FOXJ3: variants seen among roughly 807,000 people sequenced by gnomAD.
The protein encoded by FOXJ3 is forkhead box protein J3.
A neutral mutation model predicts 76.1 loss-of-function variants in FOXJ3; 22 were observed. That is an observed-to-expected ratio of 0.29 (90% confidence interval 0.21 to 0.41). The LOEUF (loss-of-function observed/expected upper bound fraction) is 0.41, where lower values mean the gene tolerates loss of function less well. FOXJ3 is among the 10% of genes least tolerant of loss of function. The pLI is 1.00. For missense variants in FOXJ3, 613 were observed against 762.1 expected (o/e 0.80, Z 2.30); for synonymous variants, 269 against 261.2 (o/e 1.03, Z -0.29).
chr1:42,227,821 C>CA (rs1267985520), intron 5 of FOXJ3, 62 bp downstream of exon 5: 27 of 904,344 alleles, frequency 3.0e-5, no homozygotes, highest in Non-Finnish European at 4.4e-5. Flanking sequence ...AAAGAACTTT[C>CA]AAAATCTGTA....
chr1:42,190,008 C>T lies in FOXJ3; in HGVS notation c.1352-604G>A, dbSNP rs1428491949. Among the ~76,000 whole-genome samples the T allele has an allele frequency of 2.6e-5, 4 of 152,162 alleles. No individual in the cohort carries two copies. The East Asian group carries it at 5.8e-4, about 22-fold the overall frequency. Reference sequence around the variant, plus strand: ...TAACATAGTCCCCCTGCCAAGGTAGCGAAGGAAGAAGGGTGAGATCTCTGC... The same window carrying T: ...TAACATAGTCCCCCTGCCAAGGTAGTGAAGGAAGAAGGGTGAGATCTCTGC... On this transcript the variant is annotated intron_variant, in intron 9 of 12. Transcript: ENST00000361346.
intron 5 of FOXJ3, among the ~76,000 whole-genome samples, chr1:42,215,399 T>C (rs1647045869): frequency 6.6e-6 from 1 of 151,920 alleles, no homozygotes; most frequent in Admixed American, 6.5e-5. Context: ...ATCAGTAAAC[T>C]TAAAGGCGGA....
chr1:42,257,185 G>A (rs1340011825), intron 4 of FOXJ3, among the ~76,000 whole-genome samples: 1 of 152,172 alleles, frequency 6.6e-6, no homozygotes, highest in East Asian at 1.9e-4. Context: ...CTTTCTGACG[G>A]AAAAGACTGC....
chr1:42,304,996 G>A (rs372647249), intron 2 of FOXJ3, among the ~76,000 whole-genome samples: 2 of 152,266 alleles, frequency 1.3e-5, no homozygotes, highest in Non-Finnish European at 1.5e-5. Flanking sequence ...CTACCCATTC[G>A]ACAAAGGATT....
chr1:42,248,999 G>A (rs1221239659), intron 4 of FOXJ3, among the ~76,000 whole-genome samples: 1 of 151,942 alleles, frequency 6.6e-6, no homozygotes, highest in Admixed American at 6.6e-5. Flanking sequence ...GAGAACATGT[G>A]GTGTTTGGTT....
At chr1:42,245,136 C>T (rs1484152360) in intron 4 of FOXJ3, among the ~76,000 whole-genome samples, 5 of 140,692 alleles carry the variant, frequency 3.6e-5, no homozygotes, top group Non-Finnish European at 7.5e-5. Context: ...GCCAAGATTG[C>T]ACTACTGCAC....
chr1:42,326,552 G>A (rs906745536), intron 1 of FOXJ3, among the ~76,000 whole-genome samples: 3 of 151,892 alleles, frequency 2.0e-5, no homozygotes, highest in African/African-American at 7.3e-5. Flanking sequence ...CATGTTCCAG[G>A]GATACTTTTT....
chr1:42,330,271 A>G (rs1656078558), intron 1 of FOXJ3, among the ~76,000 whole-genome samples: 1 of 152,078 alleles, frequency 6.6e-6, no homozygotes, highest in African/African-American at 2.4e-5. Flanking sequence ...AAGAAATATG[A>G]AATGATTTGT....
chr1:42,245,249 T>TA (rs1203496681), intron 4 of FOXJ3, among the ~76,000 whole-genome samples: 1 of 151,434 alleles, frequency 6.6e-6, no homozygotes, highest in Non-Finnish European at 1.5e-5. Flanking sequence ...CTGCCAAACT[T>TA]ATAAAGAACT....
chr1:42,262,967 C>T (rs1250473859), intron 4 of FOXJ3, among the ~76,000 whole-genome samples: 1 of 151,890 alleles, frequency 6.6e-6, no homozygotes, highest in Non-Finnish European at 1.5e-5. Flanking sequence ...CTTATTATGA[C>T]CAAAATCAAT....
rs116701485 is a variant in FOXJ3 at position 42,298,287 on chromosome 1, A to T, written c.44+12763T>A. 7.0e-3 allele frequency among the ~76,000 whole-genome samples: 1,068 copies of T among 152,318 alleles called. 14 individuals are homozygous for T. The highest frequency in any genetic ancestry group is 0.024 in the African/African-American group (1,008 of 41,562). The stretch of plus-strand genomic sequence containing the variant: ...ATTACCCAGTCTCAGGTAGTTCTTT[A>T]TATCAGCATGAGAACAGACTAATAC... On this transcript the variant is annotated intron_variant, in intron 2 of 12. Transcript: ENST00000361346.
At chr1:42,288,704 T>G (rs573995710) in intron 2 of FOXJ3, among the ~76,000 whole-genome samples, 2 of 152,348 alleles carry the variant, frequency 1.3e-5, no homozygotes, top group South Asian at 4.1e-4. Context: ...CTTTTTTCAC[T>G]CTTATCCTCT....
chr1:42,319,383 A>T (rs888392708), intron 1 of FOXJ3, among the ~76,000 whole-genome samples: 2 of 152,224 alleles, frequency 1.3e-5, no homozygotes, highest in Non-Finnish European at 2.9e-5. Context: ...ATGCTAAGTG[A>T]AAGAAACCAG....
intron 1 of FOXJ3, among the ~76,000 whole-genome samples, chr1:42,326,832 C>A (rs916967822): frequency 6.6e-6 from 1 of 152,076 alleles, no homozygotes; most frequent in Non-Finnish European, 1.5e-5. Flanking sequence ...TCCATTTTTA[C>A]CTCAAAAATC....
chr1:42,326,989 A>G (rs1223027188), intron 1 of FOXJ3, among the ~76,000 whole-genome samples: 1 of 152,208 alleles, frequency 6.6e-6, no homozygotes, highest in Admixed American at 6.5e-5. Context: ...CATCTTCTCC[A>G]TTTGCCAATA....
intron 5 of FOXJ3, among the ~76,000 whole-genome samples, chr1:42,226,030 A>G (rs1647530191): frequency 6.6e-6 from 1 of 152,208 alleles, no homozygotes; most frequent in Admixed American, 6.5e-5. Context: ...GAAGAACGCA[A>G]TTCTTCAGCT....
intron 6 of FOXJ3, among the ~76,000 whole-genome samples, chr1:42,202,038 A>T (rs138368864): frequency 6.6e-6 from 1 of 152,262 alleles, no homozygotes; most frequent in East Asian, 1.9e-4. Context: ...TGTAGAATCC[A>T]TATAGCTCCT....
chr1:42,184,754 A>G lies in FOXJ3; in HGVS notation c.1646-2730T>C, dbSNP rs372632539. ...GTGGTGCCATTTAAATAGGATGACC[A>G]AGGAAGGCATCCCCTGAGCAGGTGT... On this transcript the variant is annotated intron_variant, in intron 11 of 12. Coordinates refer to ENST00000361346, the MANE Select transcript of FOXJ3 (RefSeq NM_014947.5). Among the ~76,000 whole-genome samples the G allele has an allele frequency of 9.2e-5, 14 of 152,106 alleles. No homozygotes were observed. The East Asian group carries it at 1.3e-3, about 15-fold the overall frequency.
chr1:42,265,536 T>G (rs1416884664), intron 3 of FOXJ3, among the ~76,000 whole-genome samples: 1 of 152,210 alleles, frequency 6.6e-6, no homozygotes, highest in Non-Finnish European at 1.5e-5. Flanking sequence ...TATTATGACT[T>G]TAATTGTGGT....
Sources: gnomAD v4.1 joint callset for allele counts (sites outside exome capture counted in the v4.1 genomes callset) on GRCh38, gnomAD v4.1.1 for gene constraint, MANE v1.5 for transcripts, NCBI Gene and HGNC (gene_info 2026-07-23, HGNC 2026-07-21) for gene names.